The following KATNIP variants were observed in gnomAD, a reference collection of about 807,000 sequenced individuals.
The protein encoded by KATNIP is katanin interacting protein.
KATNIP carries 126 observed loss-of-function variants against 174.0 expected under a neutral mutation model. That is an observed-to-expected ratio of 0.72 (90% CI 0.63 to 0.84). KATNIP has a LOEUF of 0.84. Ranked by LOEUF, KATNIP falls within the 40% of genes least tolerant of loss-of-function variation. The probability of loss-of-function intolerance (pLI) is 0.00; values close to 1 mark genes in which losing one functional copy is unlikely to be tolerated. For missense variants in KATNIP, 1,958 were observed against 2,109.7 expected (o/e 0.93, Z 1.41); for synonymous variants, 810 against 835.7 (o/e 0.97, Z 0.53).
At chr16:27,647,268 G>A (rs1310830717) in intron 5 of KATNIP, among the ~76,000 whole-genome samples, 1 of 152,160 alleles carries the variant, frequency 6.6e-6, no homozygotes, top group East Asian at 1.9e-4. Context: ...GTCCCATGCT[G>A]TGTTTCATTT....
chr16:27,632,189 G>A (rs1042202825), intron 5 of KATNIP, among the ~76,000 whole-genome samples: 2 of 152,140 alleles, frequency 1.3e-5, no homozygotes, highest in Non-Finnish European at 2.9e-5. Context: ...TCCCAGCCCC[G>A]TCAAATGAAG....
chr16:27,571,833 G>A (rs2090308647), intron 1 of KATNIP, among the ~76,000 whole-genome samples: 2 of 152,210 alleles, frequency 1.3e-5, no homozygotes, highest in South Asian at 4.1e-4. Flanking sequence ...CCAGCCTTAG[G>A]GCTCACTCGG....
At chr16:27,611,284 T>C (rs898938942) in intron 2 of KATNIP, among the ~76,000 whole-genome samples, 1 of 152,206 alleles carries the variant, frequency 6.6e-6, no homozygotes, top group Non-Finnish European at 1.5e-5. Context: ...AAGCCCTTGA[T>C]AAATGTTTAC....
Position 27,777,934 on chromosome 16 carries a change from C to T in KATNIP, c.4766C>T (p.Thr1589Ile). ...VQMMNENQII[T>I]NAKRKQSVVD... ...ATGATGAATGAAAACCAAATCATTA[C>T]CAACGCGAAACGGAAGCAGAGCGTT... The change falls in exon 27 of 28, where the codon ACC (threonine) becomes ATC (isoleucine). Residue 1589 changes from threonine to isoleucine, a missense_variant. By Grantham distance (89) the Thr-to-Ile change is moderately conservative. Transcript: ENST00000261588. This position sits in a 1 kb window ranked among gnomAD's most constrained non-coding sequence, Gnocchi z 4.4. The T allele has an allele frequency of 6.2e-7, 1 of 1,614,182 alleles. No individual in the cohort carries two copies. Among genetic ancestry groups the T allele is most frequent in the South Asian group, 1.1e-5 (1 of 91,082 alleles).
rs1275858089 is a variant in KATNIP at position 27,643,572 on chromosome 16, C to CAG, written c.409-5029_409-5028dup. Among the ~76,000 whole-genome samples, 4 of 105,136 alleles carry CAG rather than the reference C, an allele frequency of 3.8e-5. No individual in the cohort carries two copies. The Admixed American group carries it at 6.3e-4, about 16-fold the overall frequency. 69.0% of individuals were successfully genotyped at this position (105,136 alleles called of 152,430 possible). On this transcript the variant is annotated intron_variant, in intron 5 of 27. Coordinates refer to ENST00000261588, the MANE Select transcript of KATNIP (RefSeq NM_015202.5). ...CCCCGCTGCACTCCAGGCTGGGTAA[C>CAG]AGAGTGAGACTCTGTCTCAAAAAAA...
At chr16:27,697,698 G>A (rs892040043) in intron 8 of KATNIP, among the ~76,000 whole-genome samples, 6 of 151,896 alleles carry the variant, frequency 4.0e-5, no homozygotes, top group Non-Finnish European at 7.4e-5. Flanking sequence ...TTATATAACT[G>A]CAGATAAATT....
intron 2 of KATNIP, among the ~76,000 whole-genome samples, chr16:27,615,557 T>C (rs1040005116): frequency 5.3e-5 from 8 of 152,084 alleles, no homozygotes; most frequent in African/African-American, 1.9e-4. Flanking sequence ...GGTTTCACCA[T>C]GTTAGCCGGG....
At chr16:27,563,448 G>A (rs549426568) in intron 1 of KATNIP, among the ~76,000 whole-genome samples, 1 of 152,252 alleles carries the variant, frequency 6.6e-6, no homozygotes, top group South Asian at 2.1e-4. Context: ...AGCCTGGGAG[G>A]TCGAGGCTGC....
At chr16:27,654,488 G>C (rs1184205269) in intron 6 of KATNIP, 1 of 801,152 alleles carries the variant, frequency 1.2e-6, no homozygotes, top group Admixed American at 2.1e-5. Context: ...CAAGAGCAGA[G>C]GGTGATTTAA....
At chr16:27,581,859 T>C (rs768823578) in intron 2 of KATNIP, among the ~76,000 whole-genome samples, 2 of 152,220 alleles carry the variant, frequency 1.3e-5, no homozygotes, top group Non-Finnish European at 2.9e-5. Context: ...TTTCTATTCC[T>C]GAGTTACTTC....
chr16:27,601,963 T>C (rs2075540660), intron 2 of KATNIP, among the ~76,000 whole-genome samples: 2 of 151,990 alleles, frequency 1.3e-5, no homozygotes, highest in African/African-American at 2.4e-5. Context: ...GAGGCAAAGA[T>C]TGGCGGAGGG....
At chr16:27,775,385 G>A (rs2082460496) in intron 24 of KATNIP, among the ~76,000 whole-genome samples, 1 of 152,224 alleles carries the variant, frequency 6.6e-6, no homozygotes, top group African/African-American at 2.4e-5. Flanking sequence ...GTCCCTGCAG[G>A]CAGCCCTCTC....
intron 2 of KATNIP, among the ~76,000 whole-genome samples, chr16:27,613,002 T>C (rs541404464): frequency 2.0e-5 from 3 of 151,842 alleles, no homozygotes; most frequent in South Asian, 4.2e-4. Context: ...CGCACGCCTA[T>C]AATCTAAGAA....
At chr16:27,756,071 G>T (rs1774846130) in intron 18 of KATNIP, among the ~76,000 whole-genome samples, 1 of 152,160 alleles carries the variant, frequency 6.6e-6, no homozygotes, top group African/African-American at 2.4e-5. Context: ...GGGAGGTGGG[G>T]TCTGAGCAGT....
intron 6 of KATNIP, among the ~76,000 whole-genome samples, chr16:27,652,262 C>A (rs978356635): frequency 2.0e-5 from 3 of 152,174 alleles, no homozygotes; most frequent in Non-Finnish European, 4.4e-5. Flanking sequence ...GGTGCAGGGG[C>A]TTCCCCTTGA....
intron 8 of KATNIP, among the ~76,000 whole-genome samples, chr16:27,697,609 T>G (rs1405514510): frequency 2.0e-5 from 3 of 150,052 alleles, no homozygotes; most frequent in Admixed American, 6.7e-5. Context: ...TATATAATTA[T>G]ACAAAAATTA....
intron 1 of KATNIP, 83 bp downstream of exon 1, chr16:27,550,260 C>G: frequency 6.7e-7 from 1 of 1,501,622 alleles, no homozygotes; most frequent in East Asian, 2.3e-5. Flanking sequence ...AATCCTAGGC[C>G]ATGAACCCCT....
chr16:27,628,584 G>A (rs2076396632), intron 3 of KATNIP, 77 bp from the exon 4 acceptor site: 1 of 1,478,288 alleles, frequency 6.8e-7, no homozygotes. Flanking sequence ...GGGAACAGCA[G>A]TTCACTCCTG....
chr16:27,556,926 A>G (rs1010000376), intron 1 of KATNIP, among the ~76,000 whole-genome samples: 1 of 151,962 alleles, frequency 6.6e-6, no homozygotes, highest in Admixed American at 6.6e-5. Context: ...TTTCTCTCAG[A>G]TTTTTTCAGA....
Sources: allele counts gnomAD v4.1 joint callset (sites outside exome capture counted in the v4.1 genomes callset), GRCh38; gene constraint gnomAD v4.1.1; non-coding constraint Gnocchi (gnomAD v3.1); transcripts MANE v1.5; gene names NCBI Gene and HGNC (gene_info 2026-07-23, HGNC 2026-07-21).